The following CDKN2B-AS1 variants were observed in gnomAD, a reference collection of about 807,000 sequenced individuals.
CDKN2B-AS1 encodes CDKN2B and CDKN2A antisense cis and trans regulatory RNA 1, also known as CDKN2B antisense RNA 1 (non-protein coding).
intron 4 of CDKN2B-AS1, among the ~76,000 whole-genome samples, chr9:22,075,969 T>C (rs1824475348): frequency 6.6e-6 from 1 of 152,218 alleles, no homozygotes; most frequent in Non-Finnish European, 1.5e-5. Flanking sequence ...TTGCTCTTTT[T>C]GGAAGAGTTT....
chr9:22,055,186 G>A (rs1025227038), intron 3 of CDKN2B-AS1, among the ~76,000 whole-genome samples: 1 of 152,096 alleles, frequency 6.6e-6, no homozygotes, highest in Non-Finnish European at 1.5e-5. Flanking sequence ...GTGTACAGTG[G>A]AATGTTTTGA....
At chr9:22,125,893 T>C (rs186966498) in intron 4 of CDKN2B-AS1, among the ~76,000 whole-genome samples, 231 of 152,342 alleles carry the variant, frequency 1.5e-3, no homozygotes, top group African/African-American at 5.3e-3. Context: ...TATTCCAAGA[T>C]CTGCCAGACA....
intron 1 of CDKN2B-AS1, among the ~76,000 whole-genome samples, chr9:22,031,829 C>A (rs562451864): frequency 6.6e-6 from 1 of 152,132 alleles, no homozygotes; most frequent in African/African-American, 2.4e-5. Context: ...CAGAAGATTG[C>A]GACCTCCGTC....
chr9:22,057,993 T>C (rs1403710396), intron 4 of CDKN2B-AS1, among the ~76,000 whole-genome samples: 1 of 144,512 alleles, frequency 6.9e-6, no homozygotes. Flanking sequence ...GGTGGGCACC[T>C]GTAATCCCAG....
intron 4 of CDKN2B-AS1, among the ~76,000 whole-genome samples, chr9:22,060,786 A>C (rs1404890529): frequency 1.3e-5 from 2 of 152,216 alleles, no homozygotes; most frequent in Non-Finnish European, 2.9e-5. Flanking sequence ...GGTGAAAGGC[A>C]CTTCTCATGT....
At chr9:22,114,227 C>T (rs1825879323) in intron 4 of CDKN2B-AS1, among the ~76,000 whole-genome samples, 1 of 152,202 alleles carries the variant, frequency 6.6e-6, no homozygotes, top group Admixed American at 6.5e-5. Context: ...CCTCTTATAC[C>T]TGGTCAAACT....
At chr9:22,055,789 G>C (rs1041287313) in intron 3 of CDKN2B-AS1, among the ~76,000 whole-genome samples, 2 of 152,066 alleles carry the variant, frequency 1.3e-5, no homozygotes, top group African/African-American at 4.8e-5. Flanking sequence ...ATTTGATTTA[G>C]TGAAAATTTT....
At chr9:22,109,884 A>G (rs1825759757) in intron 4 of CDKN2B-AS1, among the ~76,000 whole-genome samples, 1 of 152,074 alleles carries the variant, frequency 6.6e-6, no homozygotes, top group Admixed American at 6.6e-5. Flanking sequence ...TTGCTCTCCC[A>G]ATGACCTCCC....
At chr9:22,106,216 G>T (rs1825654243) in intron 4 of CDKN2B-AS1, among the ~76,000 whole-genome samples, 4 of 152,248 alleles carry the variant, frequency 2.6e-5, no homozygotes, top group Admixed American at 2.0e-4. Flanking sequence ...CTGAGTAGCT[G>T]GGAGTACAGG....
chr9:22,082,116 A>G (rs1245874689), intron 4 of CDKN2B-AS1, among the ~76,000 whole-genome samples: 2 of 152,234 alleles, frequency 1.3e-5, no homozygotes, highest in East Asian at 3.8e-4. Context: ...TTTCCCTAAC[A>G]TTTTAATTCA....
intron 3 of CDKN2B-AS1, among the ~76,000 whole-genome samples, chr9:22,049,488 C>T (rs1388405656): frequency 6.7e-6 from 1 of 148,450 alleles, no homozygotes; most frequent in Non-Finnish European, 1.5e-5. Context: ...GGACTCTCTG[C>T]ACACTGCATC....
chr9:22,112,161 A>G (rs930944768), intron 4 of CDKN2B-AS1: 2 of 152,226 alleles, frequency 1.3e-5, no homozygotes, highest in Non-Finnish European at 2.9e-5. Context: ...TGGTTAATGG[A>G]ATTCCAGAAA....
intron 4 of CDKN2B-AS1, among the ~76,000 whole-genome samples, chr9:22,091,102 G>C (rs543969422): frequency 6.6e-6 from 1 of 152,268 alleles, no homozygotes; most frequent in South Asian, 2.1e-4. Flanking sequence ...CCCATTGCTT[G>C]TTTTTATCAG....
intron 1 of CDKN2B-AS1, among the ~76,000 whole-genome samples, chr9:22,002,432 T>C (rs933614559): frequency 1.3e-5 from 2 of 151,796 alleles, no homozygotes; most frequent in African/African-American, 4.8e-5. Flanking sequence ...GAGTATATGT[T>C]TTACTGTTTA....
At chr9:22,055,195 G>T (rs950988177) in intron 3 of CDKN2B-AS1, among the ~76,000 whole-genome samples, 1 of 152,084 alleles carries the variant, frequency 6.6e-6, no homozygotes, top group Admixed American at 6.6e-5. Flanking sequence ...GGAATGTTTT[G>T]ATATATGTAT....
intron 3 of CDKN2B-AS1, among the ~76,000 whole-genome samples, chr9:22,054,243 A>G (rs1413091927): frequency 2.0e-5 from 3 of 152,218 alleles, no homozygotes; most frequent in African/African-American, 4.8e-5. Flanking sequence ...TCGCACAGCT[A>G]CCATATGATG....
chr9:22,086,607 A>G (rs1475714829), intron 4 of CDKN2B-AS1, among the ~76,000 whole-genome samples: 1 of 152,208 alleles, frequency 6.6e-6, no homozygotes, highest in Non-Finnish European at 1.5e-5. Flanking sequence ...ATTCTTAAAA[A>G]CAATAACAGT....
intron 1 of CDKN2B-AS1, among the ~76,000 whole-genome samples, chr9:22,036,160 A>G (rs1822680695): frequency 6.6e-6 from 1 of 152,160 alleles, no homozygotes; most frequent in Non-Finnish European, 1.5e-5. Context: ...CCATTTAATA[A>G]TAAAACGTGG....
intron 4 of CDKN2B-AS1, among the ~76,000 whole-genome samples, chr9:22,108,832 A>G (rs1825728743): frequency 2.0e-5 from 3 of 152,212 alleles, no homozygotes; most frequent in Non-Finnish European, 4.4e-5. Context: ...ACAACAGATT[A>G]GAATATAAAG....
Sources: gnomAD v4.1 joint callset for allele counts (sites outside exome capture counted in the v4.1 genomes callset) on GRCh38, gnomAD v4.1.1 for gene constraint, MANE v1.5 for transcripts, NCBI Gene and HGNC (gene_info 2026-07-23, HGNC 2026-07-21) for gene names.